EGFLAM: variants seen among roughly 807,000 people sequenced by gnomAD.
The protein encoded by EGFLAM is EGF like, fibronectin type III and laminin G domains, also known as pikachurin.
In EGFLAM, 79 loss-of-function variants were observed where a neutral mutation model predicts 113.1. The observed-to-expected ratio is 0.70, with a 90% CI of 0.58 to 0.84. EGFLAM has a LOEUF of 0.84. EGFLAM is among the 40% of genes least tolerant of loss of function. EGFLAM has a pLI of 0.00. For missense variants in EGFLAM, 1,265 were observed against 1,291.6 expected, an observed-to-expected ratio of 0.98 and a Z score of 0.32; for synonymous variants, 504 against 487.6, an observed-to-expected ratio of 1.03 and a Z score of -0.44.
intron 10 of EGFLAM, among the ~76,000 whole-genome samples, chr5:38,410,625 C>T (rs995600289): frequency 6.6e-6 from 1 of 152,114 alleles, no homozygotes. Context: ...TGGAAGTGGA[C>T]CAGAAAGGTC....
chr5:38,374,471 T>C (rs181645335), intron 6 of EGFLAM, among the ~76,000 whole-genome samples: 1 of 152,074 alleles, frequency 6.6e-6, no homozygotes, highest in Admixed American at 6.5e-5. Flanking sequence ...CTTCTGTTCC[T>C]GGATGGGATC....
intron 6 of EGFLAM, among the ~76,000 whole-genome samples, chr5:38,396,340 T>A (rs1740961961): frequency 6.6e-6 from 1 of 152,122 alleles, no homozygotes; most frequent in Non-Finnish European, 1.5e-5. Flanking sequence ...TGGGTAATAG[T>A]TTTCTCCCAT....
intron 1 of EGFLAM, among the ~76,000 whole-genome samples, chr5:38,275,275 A>C (rs951498206): frequency 1.3e-5 from 2 of 152,210 alleles, no homozygotes; most frequent in African/African-American, 4.8e-5. Context: ...ATTAAAAGAC[A>C]TAAAGTGGCT....
chr5:38,277,589 A>C (rs10473090), intron 1 of EGFLAM, among the ~76,000 whole-genome samples: 62,176 of 151,614 alleles, frequency 0.41, 13,230 homozygotes, highest in Middle Eastern at 0.56. Flanking sequence ...AGAAATAAAA[A>C]GCTCTAAATG....
intron 6 of EGFLAM, among the ~76,000 whole-genome samples, chr5:38,392,895 C>T (rs1018753745): frequency 6.6e-5 from 10 of 152,076 alleles, no homozygotes; most frequent in Admixed American, 5.9e-4. Context: ...CAAGTGTTCT[C>T]ATTATTCAAT....
chr5:38,396,091 A>C (rs1047023662), intron 6 of EGFLAM, among the ~76,000 whole-genome samples: 1 of 136,518 alleles, frequency 7.3e-6, no homozygotes, highest in African/African-American at 2.9e-5. Flanking sequence ...TCTTCAACCC[A>C]TCCCAACCTG....
At chr5:38,381,065 A>G (rs986766696) in intron 6 of EGFLAM, among the ~76,000 whole-genome samples, 3 of 152,208 alleles carry the variant, frequency 2.0e-5, no homozygotes, top group African/African-American at 7.2e-5. Flanking sequence ...TTAAACATTA[A>G]TATATTGAGG....
chr5:38,368,328 A>G (rs1206433323), intron 5 of EGFLAM, among the ~76,000 whole-genome samples: 1 of 152,234 alleles, frequency 6.6e-6, no homozygotes, highest in Non-Finnish European at 1.5e-5. Flanking sequence ...GGAAAAGAAT[A>G]TCAGGAAAGA....
chr5:38,281,092 T>C (rs114711280), intron 1 of EGFLAM, among the ~76,000 whole-genome samples: 3,206 of 152,256 alleles, frequency 0.021, 127 homozygotes, highest in African/African-American at 0.073. Flanking sequence ...CAGGACTCAA[T>C]AGAAGTTCTA....
intron 1 of EGFLAM, among the ~76,000 whole-genome samples, chr5:38,280,506 G>T (rs746707232): frequency 4.6e-5 from 7 of 152,078 alleles, no homozygotes; most frequent in Non-Finnish European, 1.0e-4. Context: ...ACTTCCCCCC[G>T]ATTCCTCTCT....
chr5:38,336,880 T>C (rs921857170), intron 1 of EGFLAM, among the ~76,000 whole-genome samples: 2 of 152,130 alleles, frequency 1.3e-5, no homozygotes, highest in African/African-American at 2.4e-5. Flanking sequence ...ACAAGAGATA[T>C]ACCACAATGC....
In EGFLAM at chr5:38,353,325, C is replaced by T. The variant is rs111750028; in HGVS notation, c.545+994C>T. On this transcript the variant is annotated intron_variant, in intron 5 of 21. Coordinates refer to ENST00000322350, the MANE Select transcript of EGFLAM (RefSeq NM_152403.4). ...GTTGCTGTTTGATTTTGAATGGAAG[C>T]GGTGGCTGGTGAGTGAGTCTGAAAA... Among the ~76,000 whole-genome samples, 910 of 152,318 alleles carry T rather than the reference C, an allele frequency of 6.0e-3. 8 individuals carry two copies. Among genetic ancestry groups the T allele is most frequent in the East Asian group, 0.037 (194 of 5,186 alleles).
chr5:38,337,511 T>C lies in EGFLAM; in HGVS notation c.98-9T>C. ...AGCCTCTAACACAATCTCTTTTGTT[T>C]GGGGGCAGGCAAGGTAGGGCCTCCT... On this transcript the variant is annotated splice_polypyrimidine_tract_variant and intron_variant, in intron 1 of 21. Transcript: ENST00000322350. 2 of 1,586,688 alleles carry C rather than the reference T, an allele frequency of 1.3e-6. No homozygotes were observed. Among genetic ancestry groups the C allele is most frequent in the Non-Finnish European group, 1.7e-6 (2 of 1,163,498 alleles).
intron 1 of EGFLAM, among the ~76,000 whole-genome samples, chr5:38,301,762 C>T (rs949084916): frequency 6.6e-6 from 1 of 152,050 alleles, no homozygotes; most frequent in African/African-American, 2.4e-5. Flanking sequence ...AAAAGAGCTA[C>T]GTTAAGGTTG....
rs935222959 is a variant in EGFLAM, at chr5:38,399,878, G to A, written c.713-6248G>A. 2.0e-5 allele frequency: 3 copies of A among 152,324 alleles called. No individual in the cohort carries two copies. In the South Asian group the frequency reaches 6.2e-4, roughly 32 times the overall value. The allele number at this position is 152,324 out of a possible 1,614,324, so 9.4% of individuals were successfully genotyped here. ...ATCACCTCCTACAGGAGAACACAATGCTACAATCCCAAAGCATGTGACTTC... is the reference window on the plus strand; with the variant it reads ...ATCACCTCCTACAGGAGAACACAATACTACAATCCCAAAGCATGTGACTTC... On this transcript the variant is annotated intron_variant, in intron 6 of 21. Transcript: ENST00000322350.
chr5:38,420,662 A>G (rs1741791878), intron 12 of EGFLAM, among the ~76,000 whole-genome samples: 1 of 152,168 alleles, frequency 6.6e-6, no homozygotes, highest in African/African-American at 2.4e-5. Context: ...TAACCCTCCC[A>G]TCAAATCAGC....
rs1300385633 is a variant in EGFLAM at position 38,435,199 on chromosome 5, T to C, written c.2229T>C (p.Asp743=). The stretch of plus-strand genomic sequence containing the variant: ...TCATTGGCGGAGTCCCCAATTATGA[T>C]GATGTGAAGAAGAACTCGGGTGTCC... ...DIFIGGVPNY[D]DVKKNSGVLK... The change falls in exon 16 of 22, where the codon GAT becomes GAC. Residue 743 remains aspartate, a synonymous_variant. Coordinates refer to ENST00000322350, the MANE Select transcript of EGFLAM (RefSeq NM_152403.4). The C allele has an allele frequency of 1.9e-6, 3 of 1,614,128 alleles. No individual in the cohort carries two copies. The highest frequency in any genetic ancestry group is 1.1e-5 in the South Asian group (1 of 91,080).
At chr5:38,359,292 T>C (rs1739858144) in intron 5 of EGFLAM, among the ~76,000 whole-genome samples, 1 of 152,228 alleles carries the variant, frequency 6.6e-6, no homozygotes, top group South Asian at 2.1e-4. Context: ...TCTAAAGGTG[T>C]CACCTTATTG....
At chr5:38,271,597 T>G (rs568905521) in intron 1 of EGFLAM, among the ~76,000 whole-genome samples, 2 of 152,226 alleles carry the variant, frequency 1.3e-5, no homozygotes, top group Non-Finnish European at 2.9e-5. Flanking sequence ...ATCCACATGT[T>G]GATCTGACCC....
Sources: gnomAD v4.1 joint callset for allele counts (sites outside exome capture counted in the v4.1 genomes callset) on GRCh38, gnomAD v4.1.1 for gene constraint, MANE v1.5 for transcripts, NCBI Gene and HGNC (gene_info 2026-07-23, HGNC 2026-07-21) for gene names.